The following LIG1 variants were observed in gnomAD, a reference collection of about 807,000 sequenced individuals.
The protein encoded by LIG1 is ligase I, DNA, ATP-dependent.
In LIG1, 70 loss-of-function variants were observed where a neutral mutation model predicts 115.7. The observed-to-expected ratio is 0.60, with a 90% CI of 0.50 to 0.74. The LOEUF (loss-of-function observed/expected upper bound fraction) is 0.74, where lower values mean the gene tolerates loss of function less well. Ranked by LOEUF, LIG1 falls within the 30% of genes least tolerant of loss-of-function variation. The pLI is 0.00. For synonymous variants in LIG1, 487 were observed against 495.3 expected (o/e 0.98, Z 0.22); for missense variants, 1,115 against 1,225.6 (o/e 0.91, Z 1.35).
chr19:48,146,537 G>C (rs190656), intron 9 of LIG1, among the ~76,000 whole-genome samples: 1 of 152,058 alleles, frequency 6.6e-6, no homozygotes, highest in African/African-American at 2.4e-5. Context: ...AAAAGTAGCC[G>C]GGCATGGTGG....
intron 4 of LIG1, among the ~76,000 whole-genome samples, chr19:48,159,820 C>A (rs1291040213): frequency 6.6e-6 from 1 of 152,190 alleles, no homozygotes; most frequent in Non-Finnish European, 1.5e-5. Flanking sequence ...CGGGTTCACG[C>A]CATTCTCCTG....
chr19:48,119,314 A>C (rs1167527589), intron 24 of LIG1, 124 bp from the exon 25 acceptor site: 2 of 797,964 alleles, frequency 2.5e-6, no homozygotes, highest in Admixed American at 2.0e-5. Context: ...TATCCACAGA[A>C]AACCAGGGAA....
chr19:48,140,209 G>T, intron 11 of LIG1, 66 bp from the exon 12 acceptor site: 17 of 1,172,048 alleles, frequency 1.5e-5, no homozygotes, highest in Middle Eastern at 2.7e-4. Flanking sequence ...TCGGGGTGGG[G>T]TGGGTTTAAG....
At chr19:48,156,123 A>C (rs2035819808) in intron 5 of LIG1, among the ~76,000 whole-genome samples, 1 of 151,912 alleles carries the variant, frequency 6.6e-6, no homozygotes, top group African/African-American at 2.4e-5. Flanking sequence ...GGACCTTCTC[A>C]CCTCATTGCT....
At chr19:48,131,489 C>T (rs755984702) in intron 18 of LIG1, among the ~76,000 whole-genome samples, 3 of 152,110 alleles carry the variant, frequency 2.0e-5, no homozygotes, top group Non-Finnish European at 2.9e-5. Flanking sequence ...TTTTTTGAGG[C>T]GGAGTCTCGC....
rs760138507 is a variant in LIG1, at chr19:48,136,014, G to A, written c.1423+20C>T. 7.1e-6 allele frequency: 11 copies of A among 1,539,896 alleles called. No individual in the cohort carries two copies. The South Asian group carries it at 1.3e-4, about 18-fold the overall frequency. On this transcript the variant is annotated intron_variant, in intron 15 of 27. Transcript: ENST00000263274. Reference sequence around the variant, plus strand: ...AGGTAACTCCAGCGAGGGATGCAGAGACGGGCCACAGGAGCTCACCTTGGC... The same window carrying A: ...AGGTAACTCCAGCGAGGGATGCAGAAACGGGCCACAGGAGCTCACCTTGGC...
intron 3 of LIG1, 88 bp from the exon 4 acceptor site, chr19:48,161,595 GTTTCC>G (rs2036181473): frequency 5.5e-6 from 8 of 1,466,612 alleles, no homozygotes; most frequent in Non-Finnish European, 7.6e-6. Flanking sequence ...TTTCTTTGCT[GTTTCC>G]TTCCCTTCCT....
intron 2 of LIG1, among the ~76,000 whole-genome samples, chr19:48,162,816 A>G (rs570040116): frequency 3.9e-5 from 6 of 152,342 alleles, no homozygotes; most frequent in African/African-American, 1.4e-4. Flanking sequence ...AAGGAAACTC[A>G]GACTCAGACA....
chr19:48,137,478 C>T lies in LIG1; in HGVS notation c.1254+44G>A, dbSNP rs1206988818. The T allele has an allele frequency of 1.2e-6, 2 of 1,605,064 alleles. No homozygotes were observed. Among genetic ancestry groups the T allele is most frequent in the Non-Finnish European group, 1.7e-6 (2 of 1,179,618 alleles). On this transcript the variant is annotated intron_variant, in intron 13 of 27. Transcript: ENST00000263274. The surrounding 1 kb of genome is among the most constrained non-coding windows in gnomAD (Gnocchi z 4.3). ...CCTGACACACGCGTGGCCTCAGGTC[C>T]CCAAGATGTCTGGGGTCCGGGATGA...
chr19:48,127,607 T>C, intron 20 of LIG1: 1 of 608,482 alleles, frequency 1.6e-6, no homozygotes, highest in Non-Finnish European at 2.9e-6. Flanking sequence ...GGCACAGTTC[T>C]GGCCAATGAG....
intron 21 of LIG1, chr19:48,123,746 T>C (rs771408997): frequency 7.2e-6 from 2 of 279,632 alleles, no homozygotes; most frequent in South Asian, 3.8e-5. Context: ...GCCTCCCGAG[T>C]AGCTGGGACT....
intron 16 of LIG1, among the ~76,000 whole-genome samples, chr19:48,134,873 T>G (rs948484168): frequency 6.6e-6 from 1 of 152,214 alleles, no homozygotes; most frequent in Non-Finnish European, 1.5e-5. Flanking sequence ...TCTGTGGAAC[T>G]GCCATCGGCC....
At chr19:48,153,773 C>CACACAA in intron 6 of LIG1, 99 bp downstream of exon 6, 1 of 339,304 alleles carries the variant, frequency 2.9e-6, no homozygotes, top group Admixed American at 4.3e-5. Flanking sequence ...CACACACACA[C>CACACAA]CTCTCCTTCT....
At position 48,141,395 on chromosome 19, in the gene LIG1, G is replaced by A. The variant is rs150023046; in HGVS notation, c.915-1252C>T. Among the ~76,000 whole-genome samples, 463 of 148,302 alleles carry A rather than the reference G, an allele frequency of 3.1e-3. 6 individuals carry two copies. The highest frequency in any genetic ancestry group is 0.011 in the African/African-American group (434 of 39,004). ...GATCCGCCCGCCTCGGCCTCCCAAA[G>A]TGCTGGGATTACAGGCGTGAGCCAA... On this transcript the variant is annotated intron_variant, in intron 11 of 27. Transcript: ENST00000263274.
intron 22 of LIG1, 73 bp from the exon 23 acceptor site, chr19:48,123,089 C>T (rs1377050768): frequency 1.2e-6 from 2 of 1,612,546 alleles, no homozygotes; most frequent in Non-Finnish European, 1.7e-6. Context: ...GGATTCTGGT[C>T]AAACGGTCCA....
chr19:48,153,597 A>G (rs988405085), intron 6 of LIG1, among the ~76,000 whole-genome samples: 22 of 143,680 alleles, frequency 1.5e-4, no homozygotes, highest in Non-Finnish European at 2.6e-4. Flanking sequence ...GCAGGGTCCA[A>G]ACATCCTGAG....
At chr19:48,119,855 T>A (rs1350478001) in intron 24 of LIG1, among the ~76,000 whole-genome samples, 1 of 152,126 alleles carries the variant, frequency 6.6e-6, no homozygotes, top group Non-Finnish European at 1.5e-5. Flanking sequence ...TCTCCAATGT[T>A]AACACTGCCA....
intron 5 of LIG1, 39 bp from the exon 6 acceptor site, chr19:48,154,006 G>C (rs1398118813): frequency 6.5e-7 from 1 of 1,546,904 alleles, no homozygotes; most frequent in Non-Finnish European, 8.9e-7. Context: ...GACCTCGCTG[G>C]CTCGTGTGCT....
At chr19:48,144,994 A>T (rs1422983985) in intron 9 of LIG1, among the ~76,000 whole-genome samples, 1 of 152,122 alleles carries the variant, frequency 6.6e-6, no homozygotes, top group Non-Finnish European at 1.5e-5. Context: ...TGCAGCCTCA[A>T]CCTCCAGGGC....
Sources: gnomAD v4.1 joint callset for allele counts (sites outside exome capture counted in the v4.1 genomes callset) on GRCh38, gnomAD v4.1.1 for gene constraint, Gnocchi (gnomAD v3.1) non-coding constraint, MANE v1.5 for transcripts, NCBI Gene and HGNC (gene_info 2026-07-23, HGNC 2026-07-21) for gene names.